Variants in COMT observed in about 807,000 individuals in gnomAD.
The protein encoded by COMT is catechol O-methyltransferase.
COMT carries 13 observed loss-of-function variants against 18.9 expected under a neutral mutation model. The observed-to-expected ratio is 0.69, with a 90% CI of 0.45 to 1.09. The LOEUF is 1.09. Among genes scored for constraint, COMT ranks in the 50% least tolerant of loss-of-function variants. The probability of loss-of-function intolerance (pLI) is 0.00; values close to 1 mark genes in which losing one functional copy is unlikely to be tolerated. For synonymous variants in COMT, 150 were observed against 160.9 expected, an observed-to-expected ratio of 0.93 and a Z score of 0.51; for missense variants, 329 against 361.8, an observed-to-expected ratio of 0.91 and a Z score of 0.73.
chr22:19,944,744 C>A (rs11913025), intron 1 of COMT, among the ~76,000 whole-genome samples: 1 of 151,850 alleles, frequency 6.6e-6, no homozygotes, highest in East Asian at 1.9e-4. Context: ...ATGGTGTGAA[C>A]CCGGGAGGTG....
rs751999652 is a variant in COMT at position 19,963,674 on chromosome 22, G to A, written c.398G>A (p.Gly133Glu). 6.2e-7 allele frequency: 1 copy of A among 1,612,926 alleles called. No individual in the cohort carries two copies. The highest frequency in any genetic ancestry group is 1.1e-5 in the South Asian group (1 of 91,078). Residue 133 changes from glycine to glutamate, a missense_variant, in exon 4 of 6, where the codon GGG becomes GAG. Coordinates refer to ENST00000361682, the MANE Select transcript of COMT (RefSeq NM_000754.4). ...AVRMARLLSP[G>E]ARLITIEINP... ...CGCATGGCCCGCCTGCTGTCACCAG[G>A]GGCGAGGCTCATCACCATCGAGATC...
chr22:19,965,069 G>A (rs1942317640), intron 5 of COMT: 1 of 161,976 alleles, frequency 6.2e-6, no homozygotes, highest in South Asian at 1.7e-4. Flanking sequence ...CAGCCCCCAT[G>A]CCTGGCTAGG....
At chr22:19,943,780 G>A (rs1941789643) in intron 1 of COMT, among the ~76,000 whole-genome samples, 2 of 152,246 alleles carry the variant, frequency 1.3e-5, no homozygotes, top group African/African-American at 4.8e-5. Context: ...GCCCTAACAA[G>A]GCCAGCAGGG....
intron 1 of COMT, among the ~76,000 whole-genome samples, chr22:19,944,621 G>A (rs904755986): frequency 3.3e-5 from 5 of 152,134 alleles, no homozygotes; most frequent in African/African-American, 1.2e-4. Context: ...TCAGGAGATC[G>A]AGACCATCCT....
At chr22:19,946,796 G>T (rs1405818637) in intron 1 of COMT, among the ~76,000 whole-genome samples, 1 of 151,718 alleles carries the variant, frequency 6.6e-6, no homozygotes, top group South Asian at 2.1e-4. Context: ...TGGCAGAAGG[G>T]TATTCACCAG....
intron 4 of COMT, 112 bp downstream of exon 4, chr22:19,963,871 C>G: frequency 7.4e-7 from 1 of 1,355,842 alleles, no homozygotes; most frequent in Non-Finnish European, 1.0e-6. Flanking sequence ...CACTGAAAAC[C>G]CACTATCACC....
intron 3 of COMT, 189 bp downstream of exon 3, chr22:19,963,004 C>G: frequency 7.8e-6 from 5 of 637,786 alleles, no homozygotes; most frequent in Non-Finnish European, 1.3e-5. Context: ...CCTGCAGGCC[C>G]TGCTGCCTGC....
intron 4 of COMT, 43 bp from the exon 5 acceptor site, chr22:19,964,125 C>T: frequency 1.2e-6 from 2 of 1,613,750 alleles, no homozygotes; most frequent in Non-Finnish European, 1.7e-6. Context: ...TAGGGATGGC[C>T]TCCTGTCTGT....
At chr22:19,950,033 A>AT (rs1186329705) in intron 1 of COMT, among the ~76,000 whole-genome samples, 1 of 152,130 alleles carries the variant, frequency 6.6e-6, no homozygotes, top group Non-Finnish European at 1.5e-5. Context: ...CTCTTCAGGT[A>AT]TTATTTAGAT....
At chr22:19,950,241 CTTTTTT>C (rs55653258) in intron 1 of COMT, among the ~76,000 whole-genome samples, 1,787 of 87,778 alleles carry the variant, frequency 0.02, 7 homozygotes, top group Non-Finnish European at 0.031. Context: ...CTTTTCTTTT[CTTTTTT>C]TTTTTTTTTT....
intron 1 of COMT, among the ~76,000 whole-genome samples, chr22:19,952,356 C>T (rs1941957016): frequency 6.6e-6 from 1 of 151,486 alleles, no homozygotes; most frequent in Admixed American, 6.6e-5. Flanking sequence ...AACAAAAAGG[C>T]CAGGCAGGTG....
chr22:19,946,957 T>A (rs908541516), intron 1 of COMT, among the ~76,000 whole-genome samples: 1 of 143,346 alleles, frequency 7.0e-6, no homozygotes, highest in Non-Finnish European at 1.5e-5. Flanking sequence ...ACTGTGTTGC[T>A]CAGGCTGGAG....
intron 1 of COMT, among the ~76,000 whole-genome samples, chr22:19,944,553 G>A (rs931327564): frequency 6.1e-5 from 9 of 148,654 alleles, no homozygotes; most frequent in South Asian, 4.3e-4. Flanking sequence ...GGCCGGGAGC[G>A]GTGGCTCACG....
In COMT at chr22:19,969,882, C is replaced by T. The variant is rs1220223695; in HGVS notation, c.*1146C>T. ...AGCCACTTGTGCCAGACCTGAGTGG[C>T]AGAAAGCAAAAAGTTCCTTTGCTGC... On this transcript the variant is annotated 3_prime_UTR_variant, in exon 6 of 6. Coordinates refer to ENST00000361682, the MANE Select transcript of COMT (RefSeq NM_000754.4). The T allele has an allele frequency of 6.1e-6, 6 of 985,304 alleles. No homozygotes were observed. The East Asian group carries it at 3.4e-4, about 56-fold the overall frequency. 61.0% of individuals were successfully genotyped at this position (985,304 alleles called of 1,614,324 possible). A position where few individuals can be genotyped will look rare whatever the true frequency, so the allele number is the denominator to read the frequency against.
intron 3 of COMT, 129 bp from the exon 4 acceptor site, chr22:19,963,437 G>C: frequency 3.7e-6 from 4 of 1,080,988 alleles, no homozygotes; most frequent in Non-Finnish European, 4.1e-6. Context: ...GGTGGGCAGA[G>C]GAGGGCCAGC....
chr22:19,950,880 T>G (rs1357012624), intron 1 of COMT: 1 of 152,136 alleles, frequency 6.6e-6, no homozygotes, highest in Non-Finnish European at 1.5e-5. Context: ...CAGTTTTGTT[T>G]TGATGTGCTG....
At chr22:19,968,055 G>A (rs547560481) in intron 5 of COMT, among the ~76,000 whole-genome samples, 7 of 152,250 alleles carry the variant, frequency 4.6e-5, no homozygotes, top group Non-Finnish European at 1.0e-4. Context: ...GACCCCAAGG[G>A]GCAGGCTTGT....
intron 1 of COMT, among the ~76,000 whole-genome samples, chr22:19,951,276 A>C (rs189167881): frequency 1.3e-5 from 2 of 148,258 alleles, no homozygotes; most frequent in East Asian, 4.0e-4. Flanking sequence ...GGAGAATGGC[A>C]TGAACCCGGG....
chr22:19,961,454 C>A (rs1056928252), intron 2 of COMT, among the ~76,000 whole-genome samples, 165 bp downstream of exon 2: 4 of 152,188 alleles, frequency 2.6e-5, no homozygotes, highest in African/African-American at 9.7e-5. Context: ...CCCCCTAGGG[C>A]GGAGCCTCTG....
Sources: allele counts gnomAD v4.1 joint callset (sites outside exome capture counted in the v4.1 genomes callset), GRCh38; gene constraint gnomAD v4.1.1; transcripts MANE v1.5; gene names NCBI Gene and HGNC (gene_info 2026-07-23, HGNC 2026-07-21).